The following GPRC5B variants were observed in gnomAD, a reference collection of about 807,000 sequenced individuals.
The protein encoded by GPRC5B is G protein-coupled receptor family C group 5 member B.
GPRC5B carries 16 observed loss-of-function variants against 30.1 expected under a neutral mutation model. The ratio of observed to expected loss-of-function variants is 0.53; its 90% CI spans 0.36 to 0.81. The LOEUF (loss-of-function observed/expected upper bound fraction) is 0.81. GPRC5B is among the 30% of genes least tolerant of loss of function. The pLI is 0.01. For missense variants in GPRC5B, 428 were observed against 544.7 expected (o/e 0.79, Z 2.13); for synonymous variants, 241 against 239.5 (o/e 1.01, Z -0.06).
Position 19,884,737 on chromosome 16 carries a change from G to A in GPRC5B, c.-12C>T, listed in dbSNP as rs2056837649. The A allele has an allele frequency of 4.1e-6, 4 of 984,972 alleles. No individual in the cohort carries two copies. Among genetic ancestry groups the A allele is most frequent in the Non-Finnish European group, 4.8e-6 (4 of 829,746 alleles). The allele number at this position is 984,972 out of a possible 1,614,324, so 61.0% of individuals were successfully genotyped here. A position where few individuals can be genotyped will look rare whatever the true frequency, so the allele number is the denominator to read the frequency against. ...GCAGCTCGCACTTACCGACCCCCGC[G>A]GCCCCGCAGCGCCGACGCTCCAGCT... On this transcript the variant is annotated 5_prime_UTR_variant, in exon 1 of 4. Coordinates refer to ENST00000300571, the MANE Select transcript of GPRC5B (RefSeq NM_016235.3).
upstream of GPRC5B, chr16:19,885,586 CG>C: frequency 9.4e-7 from 1 of 1,058,842 alleles, no homozygotes; most frequent in Non-Finnish European, 1.1e-6. The surrounding 1 kb of genome is among the most constrained non-coding windows in gnomAD (Gnocchi z 5.3). Flanking sequence ...CCACCCCTAC[CG>C]CACACATCAC....
In GPRC5B at chr16:19,884,724, T is replaced by G; in HGVS notation, c.-2+3A>C. 1.0e-6 allele frequency: 1 copy of G among 985,026 alleles called. No individual in the cohort carries two copies. The highest frequency in any genetic ancestry group is 1.2e-6 in the Non-Finnish European group (1 of 829,798). The allele number at this position is 985,026 out of a possible 1,614,324, so 61.0% of individuals were successfully genotyped here. A position where few individuals can be genotyped will look rare whatever the true frequency, so the allele number is the denominator to read the frequency against. The stretch of plus-strand genomic sequence containing the variant: ...CCACTGCATCGGCGCAGCTCGCACT[T>G]ACCGACCCCCGCGGCCCCGCAGCGC... On this transcript the variant is annotated splice_donor_region_variant and intron_variant, in intron 1 of 3. Transcript: ENST00000300571.
rs922850919 is a variant in GPRC5B at position 19,869,306 on chromosome 16, C to A, written c.1030+2510G>T. On this transcript the variant is annotated intron_variant, in intron 2 of 3. Transcript: ENST00000300571. ...ATAGAGCCACTGCACTCCAGTCCAG[C>A]CTGGGTGACAGAGTGAGACTCTGCC... 2.0e-5 allele frequency among the ~76,000 whole-genome samples: 3 copies of A among 146,736 alleles called. No homozygotes were observed. The Admixed American group carries it at 2.0e-4, about 10-fold the overall frequency.
chr16:19,883,970 G>C (rs1340674730), intron 1 of GPRC5B, among the ~76,000 whole-genome samples: 1 of 152,122 alleles, frequency 6.6e-6, no homozygotes, highest in Non-Finnish European at 1.5e-5. Flanking sequence ...TGTGGGGCTG[G>C]AAGCCTGTGT....
intron 1 of GPRC5B, among the ~76,000 whole-genome samples, chr16:19,873,925 G>A (rs909346707): frequency 4.6e-5 from 7 of 152,150 alleles, no homozygotes; most frequent in African/African-American, 7.2e-5. Context: ...GATTACAGGC[G>A]TGCGCCACCA....
At chr16:19,882,884 A>G (rs577320325) in intron 1 of GPRC5B, among the ~76,000 whole-genome samples, 4 of 151,994 alleles carry the variant, frequency 2.6e-5, no homozygotes, top group Admixed American at 6.6e-5. Context: ...CCCACCTCCA[A>G]GCTTTTGCAG....
intron 1 of GPRC5B, among the ~76,000 whole-genome samples, chr16:19,876,117 G>T (rs972284333): frequency 6.6e-6 from 1 of 152,200 alleles, no homozygotes; most frequent in African/African-American, 2.4e-5. Flanking sequence ...GTGGCTGGGA[G>T]GATGACAGGC....
rs543900998 is a variant in GPRC5B at position 19,858,643 on chromosome 16, C to T, written c.*1857G>A. 7.4e-6 allele frequency: 4 copies of T among 538,444 alleles called. No homozygotes were observed. The highest frequency in any genetic ancestry group is 1.9e-5 in the African/African-American group (1 of 51,750). The allele number at this position is 538,444 out of a possible 1,614,324, so 33.4% of individuals were successfully genotyped here. ...TCAGAATACCGGGTCCGCATGCAAC[C>T]GCCCCCACCCCCACCCCAGGTCCTA... On this transcript the variant is annotated 3_prime_UTR_variant, in exon 4 of 4. Transcript: ENST00000300571.
chr16:19,857,408 G>T lies in GPRC5B; in HGVS notation c.*3092C>A. ...TTGTAATATTTATATAGTCGTTTAT[G>T]GTACATATTGATTGTCTTGAAATTT... is the stretch of plus-strand genomic sequence containing the variant. On this transcript the variant is annotated 3_prime_UTR_variant, in exon 4 of 4. Transcript: ENST00000300571. The T allele has an allele frequency of 2.3e-6, 1 of 431,292 alleles. No individual in the cohort carries two copies. Among genetic ancestry groups the T allele is most frequent in the Non-Finnish European group, 4.5e-6 (1 of 220,578 alleles). 26.7% of individuals were successfully genotyped at this position (431,292 alleles called of 1,614,324 possible).
At chr16:19,864,783 C>T (rs544224554) in intron 2 of GPRC5B, among the ~76,000 whole-genome samples, 61 of 152,346 alleles carry the variant, frequency 4.0e-4, no homozygotes, top group African/African-American at 1.2e-3. Flanking sequence ...AAGATGCCAA[C>T]GGCTGCTCCT....
At position 19,858,282 on chromosome 16, in the gene GPRC5B, TAAAAC is replaced by T. The variant is rs2056588980; in HGVS notation, c.*2213_*2217del. Reference sequence around the variant, plus strand: ...CCACTCTCAACCTTAAAAGCCAAAATAAAACAAAACCCTAAGTGCGATAACATATC... The same window carrying T: ...CCACTCTCAACCTTAAAAGCCAAAATAAAACCCTAAGTGCGATAACATATC... On this transcript the variant is annotated 3_prime_UTR_variant, in exon 4 of 4. Transcript: ENST00000300571. The T allele has an allele frequency of 1.3e-4, 54 of 410,502 alleles. No individual in the cohort carries two copies. In the East Asian group the frequency reaches 1.8e-3, roughly 14 times the overall value. The allele number at this position is 410,502 out of a possible 1,614,324, so 25.4% of individuals were successfully genotyped here. A position where few individuals can be genotyped will look rare whatever the true frequency, so the allele number is the denominator to read the frequency against.
intron 1 of GPRC5B, among the ~76,000 whole-genome samples, chr16:19,876,781 A>G (rs1376579950): frequency 2.0e-5 from 3 of 152,196 alleles, no homozygotes; most frequent in African/African-American, 7.2e-5. Flanking sequence ...CTGAGGGTGG[A>G]ACGCTCTGCT....
intron 2 of GPRC5B, among the ~76,000 whole-genome samples, chr16:19,864,513 A>C (rs2056651498): frequency 2.0e-5 from 3 of 152,268 alleles, no homozygotes; most frequent in Non-Finnish European, 4.4e-5. Flanking sequence ...GGTCTCACTC[A>C]GTGGAAGGAT....
At chr16:19,868,195 A>G (rs2056682343) in intron 2 of GPRC5B, among the ~76,000 whole-genome samples, 1 of 151,896 alleles carries the variant, frequency 6.6e-6, no homozygotes, top group Non-Finnish European at 1.5e-5. Context: ...ACCAACATGG[A>G]GAAACCCCAT....
chr16:19,872,776 T>C lies in GPRC5B; in HGVS notation c.70A>G (p.Thr24Ala), dbSNP rs1395723051. The C allele has an allele frequency of 6.2e-7, 1 of 1,613,530 alleles. No individual in the cohort carries two copies. The highest frequency in any genetic ancestry group is 8.5e-7 in the Non-Finnish European group (1 of 1,179,856). ...CTGGCGTTTTCAGAGGCCACCGAGG[T>C]GATCACGAAGAGCAGGAGGAAGGTG... is the stretch of plus-strand genomic sequence containing the variant. ...VLTFLLLFVI[T>A]SVASENASTS... is the part of the protein sequence containing the mutation. The change falls in exon 2 of 4, where the codon ACC (threonine) becomes GCC (alanine). Residue 24 changes from threonine to alanine, a missense_variant. By Grantham distance (58) the Thr-to-Ala change is moderately conservative (BLOSUM62 0). This residue lies in a region of GPRC5B where 196 missense variants were observed against 272.6 expected (regional missense o/e 0.72). Coordinates refer to ENST00000300571, the MANE Select transcript of GPRC5B (RefSeq NM_016235.3). The surrounding 1 kb of genome is among the most constrained non-coding windows in gnomAD (Gnocchi z 5.0).
chr16:19,880,935 C>T (rs57875192), intron 1 of GPRC5B: 9,848 of 151,666 alleles, frequency 0.065, 557 homozygotes, highest in East Asian at 0.29. Flanking sequence ...ATGTCCCCTC[C>T]GAGTGTCTAG....
chr16:19,885,104 C>T (rs185723562), upstream of GPRC5B: 839 of 901,490 alleles, frequency 9.3e-4, 2 homozygotes, highest in Admixed American at 2.4e-3. The surrounding 1 kb of genome is among the most constrained non-coding windows in gnomAD (Gnocchi z 5.3). Flanking sequence ...GGGACATTCC[C>T]CCCACAACGT....
chr16:19,869,291 T>G (rs2056692975), intron 2 of GPRC5B, among the ~76,000 whole-genome samples: 1 of 141,574 alleles, frequency 7.1e-6, no homozygotes, highest in Non-Finnish European at 1.5e-5. Flanking sequence ...ATAGAGCCAC[T>G]GCACTCCAGT....
chr16:19,863,195 T>G lies in GPRC5B; in HGVS notation c.1031-1222A>C, dbSNP rs573589542. On this transcript the variant is annotated intron_variant, in intron 2 of 3. Transcript: ENST00000300571. ...TTTTTTTTTTGACAAGTTATTGCTG[T>G]TGTCCAGGCTAGAATGCAGTGGCAC... Among the ~76,000 whole-genome samples, 5 of 152,132 alleles carry G rather than the reference T, an allele frequency of 3.3e-5. No individual in the cohort carries two copies. The South Asian group carries it at 1.0e-3, about 32-fold the overall frequency.
Sources: allele counts gnomAD v4.1 joint callset (sites outside exome capture counted in the v4.1 genomes callset), GRCh38; gene constraint gnomAD v4.1.1; regional missense constraint gnomAD v4.1.1; non-coding constraint Gnocchi (gnomAD v3.1); transcripts MANE v1.5; gene names NCBI Gene and HGNC (gene_info 2026-07-23, HGNC 2026-07-21).